Variants in BBS9 observed in about 807,000 individuals in gnomAD.
The protein encoded by BBS9 is protein PTHB1.
A neutral mutation model predicts 117.7 loss-of-function variants in BBS9; 89 were observed. The ratio of observed to expected loss-of-function variants is 0.76; its 90% confidence interval spans 0.64 to 0.90. The LOEUF is 0.90. Among genes scored for constraint, BBS9 ranks in the 40% least tolerant of loss-of-function variants. The pLI is 0.00. For synonymous variants in BBS9, 379 were observed against 370.9 expected (o/e 1.02, Z -0.25); for missense variants, 982 against 1,042.2 (o/e 0.94, Z 0.80).
At chr7:33,572,154 T>G (rs1857910201) in intron 21 of BBS9, among the ~76,000 whole-genome samples, 1 of 152,080 alleles carries the variant, frequency 6.6e-6, no homozygotes. Context: ...AGGTCAATAT[T>G]TTAGCTTCCA....
chr7:33,305,806 G>A (rs1327514486), intron 9 of BBS9, among the ~76,000 whole-genome samples: 3 of 150,746 alleles, frequency 2.0e-5, no homozygotes, highest in Admixed American at 6.6e-5. Flanking sequence ...TTTTTCTTAC[G>A]CTGGCTGAGG....
rs527999045 is a variant in BBS9, at chr7:33,241,492, A to G, written c.443-15744A>G. 2.6e-5 allele frequency among the ~76,000 whole-genome samples: 4 copies of G among 152,202 alleles called. No individual in the cohort carries two copies. In the East Asian group the frequency reaches 7.7e-4, roughly 29 times the overall value. ...CAGTTCTGGATAATTCTCAGCCATTATTTCTTTGAATGTTGCTTTTTCCAT... is the reference window on the plus strand; with the variant it reads ...CAGTTCTGGATAATTCTCAGCCATTGTTTCTTTGAATGTTGCTTTTTCCAT... On this transcript the variant is annotated intron_variant, in intron 5 of 22. Transcript: ENST00000242067.
intron 5 of BBS9, among the ~76,000 whole-genome samples, chr7:33,223,586 C>T (rs1444104915): frequency 1.3e-5 from 2 of 152,190 alleles, no homozygotes; most frequent in African/African-American, 2.4e-5. Context: ...ACCTTCCTCT[C>T]ACCCCCAAGA....
intron 4 of BBS9, among the ~76,000 whole-genome samples, chr7:33,156,830 T>C (rs1327918205): frequency 2.0e-5 from 3 of 152,164 alleles, no homozygotes; most frequent in African/African-American, 4.8e-5. Context: ...TGTGCTCTCA[T>C]TGATTTTATG....
At chr7:33,199,189 A>T (rs189298756) in intron 5 of BBS9, among the ~76,000 whole-genome samples, 4 of 151,896 alleles carry the variant, frequency 2.6e-5, no homozygotes, top group African/African-American at 9.7e-5. Context: ...CTCTTGCCCA[A>T]CTTCCTGAAA....
At chr7:33,620,864 C>G (rs574161521) in intron 21 of BBS9, among the ~76,000 whole-genome samples, 1 of 152,236 alleles carries the variant, frequency 6.6e-6, no homozygotes, top group South Asian at 2.1e-4. Context: ...GTAATCAAAA[C>G]AGCATTGTAC....
At chr7:33,458,774 CAG>C (rs1182533931) in intron 19 of BBS9, among the ~76,000 whole-genome samples, 4 of 152,118 alleles carry the variant, frequency 2.6e-5, no homozygotes, top group Non-Finnish European at 5.9e-5. Context: ...GAACATTTCT[CAG>C]TTTCACACCC....
chr7:33,179,485 A>G (rs1797796041), intron 5 of BBS9, among the ~76,000 whole-genome samples: 1 of 151,776 alleles, frequency 6.6e-6, no homozygotes, highest in African/African-American at 2.4e-5. Flanking sequence ...AGGAGCACAA[A>G]CTCTATTGTG....
intron 21 of BBS9, among the ~76,000 whole-genome samples, chr7:33,550,770 A>G (rs992044768): frequency 2.0e-5 from 3 of 152,362 alleles, no homozygotes; most frequent in Admixed American, 2.0e-4. Flanking sequence ...ATTAAAATGA[A>G]AAACAATTAT....
At chr7:33,464,965 A>G (rs889264410) in intron 19 of BBS9, among the ~76,000 whole-genome samples, 2 of 152,034 alleles carry the variant, frequency 1.3e-5, no homozygotes, top group African/African-American at 4.8e-5. Context: ...AGCTGGGACT[A>G]CAGACGCGTG....
chr7:33,155,883 A>C (rs1016197110), intron 4 of BBS9, among the ~76,000 whole-genome samples, 181 bp downstream of exon 4: 2 of 151,924 alleles, frequency 1.3e-5, no homozygotes, highest in Non-Finnish European at 2.9e-5. Context: ...AGGCTATTAC[A>C]TTTTCATGGT....
intron 21 of BBS9, among the ~76,000 whole-genome samples, chr7:33,621,695 A>G (rs1241245855): frequency 6.6e-6 from 1 of 152,210 alleles, no homozygotes; most frequent in African/African-American, 2.4e-5. Context: ...AGGAAATAAA[A>G]TAAGTATGTC....
At chr7:33,541,363 A>G (rs1460983190) in intron 21 of BBS9, among the ~76,000 whole-genome samples, 1 of 152,102 alleles carries the variant, frequency 6.6e-6, no homozygotes, top group Admixed American at 6.6e-5. Flanking sequence ...ATCTCTTTTC[A>G]TGGCCCACAC....
At chr7:33,563,854 G>A (rs1330663607) in intron 21 of BBS9, among the ~76,000 whole-genome samples, 1 of 152,210 alleles carries the variant, frequency 6.6e-6, no homozygotes, top group Non-Finnish European at 1.5e-5. Flanking sequence ...CGAAGTGCGA[G>A]CTTCTTTGAA....
At chr7:33,575,666 T>A (rs1858695630) in intron 21 of BBS9, among the ~76,000 whole-genome samples, 1 of 152,192 alleles carries the variant, frequency 6.6e-6, no homozygotes, top group African/African-American at 2.4e-5. Context: ...AATAAAATAC[T>A]GGCAAACGAA....
chr7:33,592,578 T>C (rs1862110997), intron 21 of BBS9, among the ~76,000 whole-genome samples: 1 of 152,092 alleles, frequency 6.6e-6, no homozygotes. Flanking sequence ...CCTTGTCCTA[T>C]GTGGAAGGAT....
At chr7:33,397,277 C>A (rs578061732) in intron 19 of BBS9, among the ~76,000 whole-genome samples, 12 of 152,252 alleles carry the variant, frequency 7.9e-5, no homozygotes, top group Admixed American at 4.6e-4. Flanking sequence ...GATACCATCT[C>A]ACACACCAGT....
At chr7:33,189,244 C>T (rs1242700157) in intron 5 of BBS9, among the ~76,000 whole-genome samples, 1 of 152,042 alleles carries the variant, frequency 6.6e-6, no homozygotes, top group Admixed American at 6.5e-5. Flanking sequence ...GTCTCAAATT[C>T]CTGGGCTCAA....
chr7:33,316,115 C>T (rs1436669296), intron 9 of BBS9, among the ~76,000 whole-genome samples: 2 of 152,096 alleles, frequency 1.3e-5, no homozygotes, highest in Non-Finnish European at 2.9e-5. Flanking sequence ...GTTAATAATC[C>T]CCTCTTGCCT....
Sources: allele counts gnomAD v4.1 joint callset (sites outside exome capture counted in the v4.1 genomes callset), GRCh38; gene constraint gnomAD v4.1.1; transcripts MANE v1.5; gene names NCBI Gene and HGNC (gene_info 2026-07-23, HGNC 2026-07-21).